Variants in TNRC18 observed in about 807,000 individuals in gnomAD.
The protein encoded by TNRC18 is trinucleotide repeat containing 18, also known as trinucleotide repeat-containing gene 18 protein.
Under a neutral mutation model 226.7 loss-of-function variants are expected in TNRC18, and 69 were observed. The ratio of observed to expected loss-of-function variants is 0.30; its 90% CI spans 0.25 to 0.37. The LOEUF is 0.37. TNRC18 is among the 10% of genes least tolerant of loss of function. The probability of loss-of-function intolerance (pLI) is 1.00; values close to 1 mark genes in which losing one functional copy is unlikely to be tolerated. For synonymous variants in TNRC18, 2,449 were observed against 1,927.6 expected, an observed-to-expected ratio of 1.27 and a Z score of -7.09; for missense variants, 4,754 against 4,256.6, an observed-to-expected ratio of 1.12 and a Z score of -3.25.
rs1484580021 is a variant in TNRC18 at position 5,356,838 on chromosome 7, G to T, written c.5194+78C>A. On this transcript the variant is annotated intron_variant, in intron 16 of 29. Transcript: ENST00000430969. ...AGAGAGAGAGTGAGGGGCGGGGGGG[G>T]AAGGAGGACGGTGGAGAGAAGAGGG... The T allele has an allele frequency of 4.8e-5, 68 of 1,430,942 alleles. No homozygotes were observed. The Admixed American group carries it at 1.4e-3, about 30-fold the overall frequency. The allele number at this position is 1,430,942 out of a possible 1,614,324, so 88.6% of individuals were successfully genotyped here.
chr7:5,362,607 GCCTCCCCCGC>G, intron 12 of TNRC18, 33 bp downstream of exon 12: 1 of 1,484,494 alleles, frequency 6.7e-7, no homozygotes, highest in Non-Finnish European at 9.0e-7. Context: ...CTCCCACCCA[GCCTCCCCCGC>G]GGACCCCAGG....
Position 5,388,927 on chromosome 7 carries a change from T to G in TNRC18, c.897A>C (p.Glu299Asp). 1 of 1,376,636 alleles carries G rather than the reference T, an allele frequency of 7.3e-7. No homozygotes were observed. Among genetic ancestry groups the G allele is most frequent in the Non-Finnish European group, 9.4e-7 (1 of 1,060,754 alleles). The allele number at this position is 1,376,636 out of a possible 1,614,324, so 85.3% of individuals were successfully genotyped here. ...GDVGLPALVA[E>D]AGRGGAKEAA... ...CCTCCTTGGCACCCCCGCGCCCCGCTTCGGCCACCAGCGCGGGCAGCCCCA... is the reference window on the plus strand; with the variant it reads ...CCTCCTTGGCACCCCCGCGCCCCGCGTCGGCCACCAGCGCGGGCAGCCCCA... Residue 299 changes from glutamate (E) to aspartate (D), a missense_variant, in exon 5 of 30, where the codon GAA (glutamate) becomes GAC (aspartate). By Grantham distance (45) the Glu-to-Asp change is conservative. Transcript: ENST00000430969.
rs183075167 is a variant in TNRC18 at position 5,349,536 on chromosome 7, G to A, written c.5470+2283C>T. 5.1e-4 allele frequency among the ~76,000 whole-genome samples: 77 copies of A among 152,300 alleles called. No individual in the cohort carries two copies. In the East Asian group the frequency reaches 0.011, roughly 21 times the overall value. Reference sequence around the variant, plus strand: ...AGAGCGATCTGCTGCTGCCAGACCCGGTGGGGGCGAACCCCGAGGAGGGAG... The same window carrying A: ...AGAGCGATCTGCTGCTGCCAGACCCAGTGGGGGCGAACCCCGAGGAGGGAG... On this transcript the variant is annotated intron_variant, in intron 17 of 29. Transcript: ENST00000430969.
At chr7:5,351,783 A>T in intron 17 of TNRC18, 36 bp downstream of exon 17, 1 of 1,533,876 alleles carries the variant, frequency 6.5e-7, no homozygotes, top group South Asian at 1.3e-5. Context: ...TCTCGCTAGG[A>T]AACACGGAAG....
chr7:5,362,175 T>C (rs969088871), intron 12 of TNRC18, 142 bp from the exon 13 acceptor site: 5 of 1,026,710 alleles, frequency 4.9e-6, no homozygotes, highest in South Asian at 1.6e-5. Context: ...ACCTCCTGAC[T>C]GTGGCCATGG....
Position 5,388,871 on chromosome 7 carries a change from A to T in TNRC18, c.953T>A (p.Leu318Gln). The T allele has an allele frequency of 7.7e-7, 1 of 1,297,728 alleles. No homozygotes were observed. The highest frequency in any genetic ancestry group is 9.8e-7 in the Non-Finnish European group (1 of 1,018,792). The allele number at this position is 1,297,728 out of a possible 1,614,324, so 80.4% of individuals were successfully genotyped here. Residue 318 changes from leucine (L) to glutamine (Q), a missense_variant, in exon 5 of 30, where the codon CTG becomes CAG. Coordinates refer to ENST00000430969, the MANE Select transcript of TNRC18 (RefSeq NM_001080495.3). ...AARQDEGARL[L>Q]RRTETLLPGP... ...AGGGAGCAGGGTCTCCGTGCGCCGC[A>T]GCAGCCGCGCGCCCTCGTCCTGCCG...
intron 18 of TNRC18, among the ~76,000 whole-genome samples, chr7:5,345,117 G>A (rs1791032224): frequency 6.6e-6 from 1 of 152,102 alleles, no homozygotes; most frequent in African/African-American, 2.4e-5. Flanking sequence ...AAGTCTGAAT[G>A]AGATGCGCTC....
chr7:5,326,944 G>A (rs1562496409), intron 19 of TNRC18, among the ~76,000 whole-genome samples: 1 of 151,198 alleles, frequency 6.6e-6, no homozygotes, highest in Non-Finnish European at 1.5e-5. Flanking sequence ...CTAACACGGT[G>A]AAACCCCATC....
At chr7:5,338,290 A>T (rs1031920559) in intron 18 of TNRC18, among the ~76,000 whole-genome samples, 4 of 152,322 alleles carry the variant, frequency 2.6e-5, no homozygotes, top group Admixed American at 6.5e-5. Context: ...AAAATTAGAC[A>T]AAAAACTAAA....
At chr7:5,386,179 T>C (rs996522318) in intron 5 of TNRC18, among the ~76,000 whole-genome samples, 1 of 151,082 alleles carries the variant, frequency 6.6e-6, no homozygotes, top group Middle Eastern at 3.4e-3. Context: ...TCCCAGCTAC[T>C]CGGGAGGCTG....
chr7:5,416,768 G>A (rs536481935), intron 2 of TNRC18, among the ~76,000 whole-genome samples: 8 of 152,016 alleles, frequency 5.3e-5, no homozygotes, highest in Admixed American at 3.3e-4. Context: ...GAGGCAGGAG[G>A]ATCTCCTGAG....
chr7:5,422,258 C>T (rs1251132861), intron 1 of TNRC18, among the ~76,000 whole-genome samples: 2 of 152,146 alleles, frequency 1.3e-5, no homozygotes, highest in African/African-American at 2.4e-5. Flanking sequence ...AGGACCTGGC[C>T]TGGCGTGGGG....
intron 18 of TNRC18, among the ~76,000 whole-genome samples, chr7:5,335,980 G>T (rs533332469): frequency 2.6e-5 from 4 of 151,882 alleles, no homozygotes; most frequent in Non-Finnish European, 5.9e-5. Flanking sequence ...GCCAAGGCGG[G>T]CAGATCACTT....
chr7:5,402,345 G>C (rs1032654219), intron 2 of TNRC18, among the ~76,000 whole-genome samples: 1 of 146,300 alleles, frequency 6.8e-6, no homozygotes, highest in Non-Finnish European at 1.5e-5. Flanking sequence ...ACCAGCCTGG[G>C]CAACACGGTG....
chr7:5,380,553 A>T (rs755225635), intron 5 of TNRC18, among the ~76,000 whole-genome samples: 4 of 152,250 alleles, frequency 2.6e-5, no homozygotes, highest in Non-Finnish European at 5.9e-5. Flanking sequence ...ACGGAGGGAC[A>T]GCCGGGCAGC....
chr7:5,317,140 T>C lies in TNRC18; in HGVS notation c.6746-1068A>G, dbSNP rs563121519. Among the ~76,000 whole-genome samples, 28 of 152,216 alleles carry C rather than the reference T, an allele frequency of 1.8e-4. No individual in the cohort carries two copies. In the South Asian group the frequency reaches 4.4e-3, roughly 24 times the overall value. Reference sequence around the variant, plus strand: ...TAACAAAACCTTCCTGCCCACCCGCTATGACAAACACTCATGAGTGCACAG... The same window carrying C: ...TAACAAAACCTTCCTGCCCACCCGCCATGACAAACACTCATGAGTGCACAG... On this transcript the variant is annotated intron_variant, in intron 24 of 29. Coordinates refer to ENST00000430969, the MANE Select transcript of TNRC18 (RefSeq NM_001080495.3).
At chr7:5,396,432 G>A (rs532839853) in intron 2 of TNRC18, among the ~76,000 whole-genome samples, 36 of 152,290 alleles carry the variant, frequency 2.4e-4, no homozygotes, top group African/African-American at 8.7e-4. Flanking sequence ...TGAGGCGAGA[G>A]GATGGGTTGA....
intron 19 of TNRC18, among the ~76,000 whole-genome samples, chr7:5,326,431 G>T (rs56201904): frequency 6.6e-6 from 1 of 151,910 alleles, no homozygotes; most frequent in Non-Finnish European, 1.5e-5. Flanking sequence ...GGCTGCCTCC[G>T]TTTTTTCACT....
chr7:5,326,686 A>AATCT (rs1562495965), intron 19 of TNRC18, among the ~76,000 whole-genome samples: 3 of 152,152 alleles, frequency 2.0e-5, no homozygotes, highest in Non-Finnish European at 2.9e-5. Context: ...GGGTGCCTGT[A>AATCT]ATCTCAGCTA....
Sources: allele counts gnomAD v4.1 joint callset (sites outside exome capture counted in the v4.1 genomes callset), GRCh38; gene constraint gnomAD v4.1.1; transcripts MANE v1.5; gene names NCBI Gene and HGNC (gene_info 2026-07-23, HGNC 2026-07-21).